VPS13D: variants seen among roughly 807,000 people sequenced by gnomAD.
The protein encoded by VPS13D is intermembrane lipid transfer protein VPS13D.
In VPS13D, 187 loss-of-function variants were observed where a neutral mutation model predicts 461.9. That is an observed-to-expected ratio of 0.40 (90% CI 0.36 to 0.46). The LOEUF is 0.46. Among genes scored for constraint, VPS13D ranks in the 20% least tolerant of loss-of-function variants. The probability of loss-of-function intolerance (pLI) is 0.60; values close to 1 mark genes in which losing one functional copy is unlikely to be tolerated. For synonymous variants in VPS13D, 1,951 were observed against 1,986.3 expected (o/e 0.98, Z 0.47); for missense variants, 4,711 against 5,364.9 (o/e 0.88, Z 3.81).
intron 44 of VPS13D, 56 bp from the exon 45 acceptor site, chr1:12,348,767 T>C (rs974019539): frequency 1.5e-5 from 24 of 1,594,230 alleles, no homozygotes; most frequent in Non-Finnish European, 1.9e-5. Flanking sequence ...GATATTATTG[T>C]ATTTTATATG....
chr1:12,256,395 A>C lies in VPS13D; in HGVS notation c.732A>C (p.Ala244=). The C allele has an allele frequency of 6.2e-7, 1 of 1,614,084 alleles. No homozygotes were observed. The highest frequency in any genetic ancestry group is 8.5e-7 in the Non-Finnish European group (1 of 1,180,018). ...ACTACGTCCTGGAGCCTGTGTTTGC[A>C]TCTGCTCTTTTGAAGAGAAACTGCT... The part of the protein sequence containing the change: ...SHHYVLEPVF[A]SALLKRNCSK... Residue 244 remains alanine (A), a synonymous_variant, in exon 8 of 70, where the codon GCA becomes GCC. Transcript: ENST00000620676.
chr1:12,397,029 G>A (rs1289812614), intron 60 of VPS13D, among the ~76,000 whole-genome samples: 1 of 152,152 alleles, frequency 6.6e-6, no homozygotes, highest in African/African-American at 2.4e-5. Context: ...CGCCTCCCAG[G>A]TTCAAGTGAT....
At chr1:12,431,831 A>C (rs1443079413) in intron 65 of VPS13D, among the ~76,000 whole-genome samples, 1 of 152,124 alleles carries the variant, frequency 6.6e-6, no homozygotes, top group African/African-American at 2.4e-5. Context: ...GAGTAAACCC[A>C]TGCAAAACTT....
rs1156318731 is a variant in VPS13D, at chr1:12,505,492, G to A, written c.12795-1361G>A. ...ATAAATCCCAGTTTTTGTCATGGGC[G>A]TCTGTAATTAAAATGGCAACTGGAA... On this transcript the variant is annotated intron_variant, in intron 68 of 69. Coordinates refer to ENST00000620676, the MANE Select transcript of VPS13D (RefSeq NM_015378.4). The surrounding 1 kb of genome is among the most constrained non-coding windows in gnomAD (Gnocchi z 4.2). 2.0e-5 allele frequency among the ~76,000 whole-genome samples: 3 copies of A among 152,172 alleles called. No individual in the cohort carries two copies. The highest frequency in any genetic ancestry group is 2.1e-4 in the South Asian group (1 of 4,824).
intron 40 of VPS13D, among the ~76,000 whole-genome samples, chr1:12,340,751 A>C (rs1260411402): frequency 6.6e-6 from 1 of 152,228 alleles, no homozygotes; most frequent in African/African-American, 2.4e-5. Flanking sequence ...TAGACACATA[A>C]GAAGATTGAG....
chr1:12,468,803 C>T lies in VPS13D; in HGVS notation c.12662+8407C>T, dbSNP rs192104494. On this transcript the variant is annotated intron_variant, in intron 67 of 69. Transcript: ENST00000620676. ...ATCCCAACACTTTGGGAGGCTGGGGCGGGTAGATCATTTGAGCTCACAAGC... is the reference window on the plus strand; with the variant it reads ...ATCCCAACACTTTGGGAGGCTGGGGTGGGTAGATCATTTGAGCTCACAAGC... Among the ~76,000 whole-genome samples, 45 of 152,260 alleles carry T rather than the reference C, an allele frequency of 3.0e-4. 1 individual carries two copies. The East Asian group carries it at 8.3e-3, about 28-fold the overall frequency.
At chr1:12,330,859 C>T (rs570006951) in intron 37 of VPS13D, among the ~76,000 whole-genome samples, 9 of 152,276 alleles carry the variant, frequency 5.9e-5, no homozygotes, top group African/African-American at 7.2e-5. Flanking sequence ...TGAGCCACTG[C>T]GCCCAGCCAA....
intron 67 of VPS13D, among the ~76,000 whole-genome samples, chr1:12,462,659 T>C (rs922703520): frequency 2.6e-5 from 4 of 152,206 alleles, no homozygotes; most frequent in Admixed American, 6.5e-5. Context: ...AGGGGGCTCA[T>C]TGGATTTCTC....
At chr1:12,413,037 A>G (rs1346816626) in intron 63 of VPS13D, among the ~76,000 whole-genome samples, 1 of 152,236 alleles carries the variant, frequency 6.6e-6, no homozygotes, top group Non-Finnish European at 1.5e-5. Context: ...TGGCTTATGC[A>G]TTTAAAAGTT....
intron 66 of VPS13D, among the ~76,000 whole-genome samples, chr1:12,459,012 G>A (rs142585495): frequency 1.2e-4 from 19 of 152,310 alleles, no homozygotes; most frequent in African/African-American, 4.3e-4. Flanking sequence ...CGCCGATACC[G>A]AATTTCATCA....
At position 12,318,229 on chromosome 1, in the gene VPS13D, A is replaced by T. The variant is rs139611786; in HGVS notation, c.7306A>T (p.Ser2436Cys). Reference sequence around the variant, plus strand: ...TCCTTCTCGCCACCGTAACTCTAGCAGCGAATCTGCTATAGTTCCCAAAAC... The same window carrying T: ...TCCTTCTCGCCACCGTAACTCTAGCTGCGAATCTGCTATAGTTCCCAAAAC... ...VTPSRHRNSS[S>C]ESAIVPKTVK... Residue 2436 changes from serine (S) to cysteine (C), a missense_variant, in exon 31 of 70, where the codon AGC becomes TGC. Physicochemically the swap from Ser to Cys is moderately radical, Grantham distance 112. Transcript: ENST00000620676. 13 of 1,614,218 alleles carry T rather than the reference A, an allele frequency of 8.1e-6. No homozygotes were observed. In the African/African-American group the frequency reaches 1.3e-4, roughly 17 times the overall value.
chr1:12,357,346 A>T (rs972672837), intron 49 of VPS13D, among the ~76,000 whole-genome samples: 5 of 152,172 alleles, frequency 3.3e-5, no homozygotes, highest in African/African-American at 9.7e-5. Context: ...AGTTCTGGAT[A>T]TTGTAGGGGA....
chr1:12,318,468 C>A (rs1338279752), intron 31 of VPS13D, 131 bp downstream of exon 31: 3 of 1,187,798 alleles, frequency 2.5e-6, no homozygotes, highest in African/African-American at 3.1e-5. Context: ...CTTTTACAGA[C>A]CTGCAAGCAT....
chr1:12,339,062 A>G (rs947163742), intron 40 of VPS13D, among the ~76,000 whole-genome samples: 2 of 152,178 alleles, frequency 1.3e-5, no homozygotes, highest in African/African-American at 4.8e-5. Context: ...CCAGGAATAT[A>G]GAACAGGGAT....
At chr1:12,257,345 A>G (rs1557668239) in intron 9 of VPS13D, among the ~76,000 whole-genome samples, 1 of 152,248 alleles carries the variant, frequency 6.6e-6, no homozygotes, top group Non-Finnish European at 1.5e-5. Flanking sequence ...TTTAGCAAGT[A>G]GACTGATGTT....
intron 60 of VPS13D, among the ~76,000 whole-genome samples, chr1:12,390,865 G>C (rs1219817696): frequency 1.3e-5 from 2 of 152,216 alleles, no homozygotes; most frequent in African/African-American, 4.8e-5. Flanking sequence ...AGTGGGCGAT[G>C]GCAGGAGTGG....
intron 68 of VPS13D, 107 bp from the exon 69 acceptor site, chr1:12,506,746 C>T: frequency 2.1e-6 from 3 of 1,417,562 alleles, no homozygotes; most frequent in Non-Finnish European, 1.9e-6. Flanking sequence ...GGCAAGGGGG[C>T]CGGGATTCGC....
At chr1:12,344,269 G>C (rs944631971) in intron 42 of VPS13D, among the ~76,000 whole-genome samples, 4 of 152,194 alleles carry the variant, frequency 2.6e-5, no homozygotes, top group Non-Finnish European at 5.9e-5. Flanking sequence ...CTGTAATCAT[G>C]TGCTTTTTGT....
chr1:12,398,439 T>C (rs950706216), intron 60 of VPS13D, among the ~76,000 whole-genome samples: 1 of 152,112 alleles, frequency 6.6e-6, no homozygotes, highest in Non-Finnish European at 1.5e-5. Flanking sequence ...GTCTACTTGT[T>C]TGTAAAATGA....
Sources: gnomAD v4.1 joint callset for allele counts (sites outside exome capture counted in the v4.1 genomes callset) on GRCh38, gnomAD v4.1.1 for gene constraint, Gnocchi (gnomAD v3.1) non-coding constraint, MANE v1.5 for transcripts, NCBI Gene and HGNC (gene_info 2026-07-23, HGNC 2026-07-21) for gene names.